Variants in ZNF790 observed in about 807,000 individuals in gnomAD.
ZNF790 encodes the protein zinc finger protein 790.
A neutral mutation model predicts 12.1 loss-of-function variants in ZNF790; 8 were observed. The observed-to-expected ratio is 0.66, with a 90% CI of 0.39 to 1.19. The LOEUF (loss-of-function observed/expected upper bound fraction) is 1.19, where lower values mean the gene tolerates loss of function less well. Among genes scored for constraint, ZNF790 ranks in the 50% most tolerant of loss-of-function variants. ZNF790 has a pLI of 0.01. For missense variants in ZNF790, 707 were observed against 752.2 expected (o/e 0.94, Z 0.70); for synonymous variants, 252 against 244.3 (o/e 1.03, Z -0.29).
chr19:36,823,809 C>A lies in ZNF790; in HGVS notation c.10-19G>T. The A allele has an allele frequency of 6.3e-7, 1 of 1,586,346 alleles. No homozygotes were observed. Among genetic ancestry groups the A allele is most frequent in the Non-Finnish European group, 8.5e-7 (1 of 1,171,240 alleles). ...TCATCAACTGTTGGAAAGAATAATT[C>A]CAAGTATTAATGGTGAAATTTTTAA... is the stretch of plus-strand genomic sequence containing the variant. On this transcript the variant is annotated intron_variant, in intron 2 of 4. Transcript: ENST00000356725.
chr19:36,835,662 G>A (rs1460639121), intron 1 of ZNF790, among the ~76,000 whole-genome samples: 2 of 152,122 alleles, frequency 1.3e-5, no homozygotes, highest in African/African-American at 4.8e-5. Flanking sequence ...AGAAGTCTGA[G>A]TTGGGTCTTA....
At chr19:36,823,241 A>G (rs767508748) in intron 4 of ZNF790, 44 bp downstream of exon 4, 3 of 1,539,138 alleles carry the variant, frequency 1.9e-6, no homozygotes, top group Non-Finnish European at 2.7e-6. Context: ...CTGAGCTGTT[A>G]TCCACAACAA....
At chr19:36,824,720 C>G (rs1417453735) in intron 2 of ZNF790, among the ~76,000 whole-genome samples, 2 of 152,128 alleles carry the variant, frequency 1.3e-5, no homozygotes, top group Non-Finnish European at 2.9e-5. Flanking sequence ...AGAGGCTACA[C>G]CAGCCTGGAA....
intron 2 of ZNF790, among the ~76,000 whole-genome samples, chr19:36,824,139 G>GGCGCCCGCTACC (rs567181153): frequency 0.015 from 2,278 of 151,440 alleles, 64 homozygotes; most frequent in African/African-American, 0.052. Context: ...TGGGACTACA[G>GGCGCCCGCTACC]GCGCCCGCTA....
intron 1 of ZNF790, among the ~76,000 whole-genome samples, 164 bp from the exon 2 acceptor site, chr19:36,825,856 G>A (rs146813597): frequency 1.6e-4 from 24 of 152,164 alleles, no homozygotes; most frequent in Admixed American, 6.5e-4. Flanking sequence ...AGTTTCAGTC[G>A]AATCACTTAT....
Position 36,820,100 on chromosome 19 carries a change from A to G in ZNF790, c.244T>C (p.Cys82Arg), listed in dbSNP as rs779738281. Residue 82 changes from cysteine (C) to arginine (R), a missense_variant, in exon 5 of 5, where the codon TGT becomes CGT. Cys to Arg is a radical substitution (Grantham distance 180). Transcript: ENST00000356725. ...TTTGGTAATAACTTCTTGGTCTGAC[A>G]CCTCGACTGCATGTCTGAAAAATAA... ...RGPCPDMQSR[C>R]QTKKLLPKNG... is the part of the protein sequence containing the mutation. 6 of 1,602,194 alleles carry G rather than the reference A, an allele frequency of 3.7e-6. No individual in the cohort carries two copies. The highest frequency in any genetic ancestry group is 4.2e-6 in the Non-Finnish European group (5 of 1,178,234).
At chr19:36,832,597 T>C (rs1394685725) in intron 1 of ZNF790, among the ~76,000 whole-genome samples, 2 of 152,134 alleles carry the variant, frequency 1.3e-5, no homozygotes, top group African/African-American at 4.8e-5. Context: ...GTCCCTGTTA[T>C]GCCTTCAAAT....
chr19:36,845,110 T>C (rs1457356602), intron 1 of ZNF790, among the ~76,000 whole-genome samples: 2 of 128,928 alleles, frequency 1.6e-5, no homozygotes, highest in Non-Finnish European at 3.3e-5. Flanking sequence ...AAGAACAAGA[T>C]CTCAGATGAA....
At position 36,820,093 on chromosome 19, in the gene ZNF790, G is replaced by A. The variant is rs1279589857; in HGVS notation, c.251C>T (p.Thr84Ile). The change falls in exon 5 of 5, where the codon ACC becomes ATC. Residue 84 changes from threonine to isoleucine, a missense_variant. Transcript: ENST00000356725. ...GCCATTTTTTGGTAATAACTTCTTGGTCTGACACCTCGACTGCATGTCTGA... is the reference window on the plus strand; with the variant it reads ...GCCATTTTTTGGTAATAACTTCTTGATCTGACACCTCGACTGCATGTCTGA... The part of the protein sequence containing the change: ...PCPDMQSRCQ[T>I]KKLLPKNGIF... The A allele has an allele frequency of 1.2e-6, 2 of 1,604,664 alleles. No individual in the cohort carries two copies. The highest frequency in any genetic ancestry group is 1.7e-6 in the Non-Finnish European group (2 of 1,179,150).
At chr19:36,845,848 G>A (rs1277170550) in intron 1 of ZNF790, among the ~76,000 whole-genome samples, 2 of 150,320 alleles carry the variant, frequency 1.3e-5, no homozygotes, top group South Asian at 2.1e-4. Flanking sequence ...CACTCTTGTT[G>A]CCCAGGCTGG....
In ZNF790 at chr19:36,818,634, G is replaced by T. The variant is rs1342968531; in HGVS notation, c.1710C>A (p.Ile570=). ...CAGTAAAATATGAATGGTGACTAAA[G>T]ATGTGGCTACTTTTCTTGCATCCAT... ...EPYGCKKSSH[I]FSHHSYFTEQ... is the part of the protein sequence containing the mutation. The change falls in exon 5 of 5, where the codon ATC becomes ATA. Residue 570 remains isoleucine (I), a synonymous_variant. Transcript: ENST00000356725. 3 of 1,611,708 alleles carry T rather than the reference G, an allele frequency of 1.9e-6. No individual in the cohort carries two copies. The Admixed American group carries it at 5.1e-5, about 27-fold the overall frequency.
Position 36,823,422 on chromosome 19 carries a change from G to A in ZNF790, c.134-42C>T, listed in dbSNP as rs200202255. ...AAACAGCAAAGAACCACATTGTAAA[G>A]ATTCTAAAATTTGCAACTACTTCTT... On this transcript the variant is annotated intron_variant, in intron 3 of 4. Transcript: ENST00000356725. 1.1e-5 allele frequency: 18 copies of A among 1,579,810 alleles called. No homozygotes were observed. In the East Asian group the frequency reaches 3.4e-4, roughly 30 times the overall value.
chr19:36,830,932 G>A (rs1818076064), intron 1 of ZNF790, among the ~76,000 whole-genome samples: 1 of 152,206 alleles, frequency 6.6e-6, no homozygotes, highest in Non-Finnish European at 1.5e-5. Context: ...GAGGTCAGGA[G>A]ATCGAGACCA....
intron 4 of ZNF790, among the ~76,000 whole-genome samples, chr19:36,820,921 G>C (rs531902300): frequency 8.5e-6 from 1 of 117,872 alleles, no homozygotes; most frequent in South Asian, 3.0e-4. Context: ...TTAATACTTT[G>C]AGTTTTAGGG....
In ZNF790 at chr19:36,819,286, AG is replaced by A; in HGVS notation, c.1057del (p.Leu353Ter). ...AGTATGAATTCTCTGATGCTGAGTTAGGTGTGATCCACGAGTAAAAGCTTTC... is the reference window on the plus strand; with the variant it reads ...AGTATGAATTCTCTGATGCTGAGTTAGTGTGATCCACGAGTAAAAGCTTTC... ...CGKAFTRGSH[L>X]TQHQRIHTGE... On this transcript the variant is annotated frameshift_variant, in exon 5 of 5. Transcript: ENST00000356725. LOFTEE classifies it low-confidence loss of function (END_TRUNC). The A allele has an allele frequency of 6.2e-7, 1 of 1,611,942 alleles. No homozygotes were observed. Among genetic ancestry groups the A allele is most frequent in the Non-Finnish European group, 8.5e-7 (1 of 1,178,744 alleles).
rs552794225 is a variant in ZNF790, at chr19:36,830,360, A to T, written c.-73-4668T>A. ...TCACATTAACTGACTTTTGATGGTGAGCCAACCTTGCATTTCTGGGATAAA... is the reference window on the plus strand; with the variant it reads ...TCACATTAACTGACTTTTGATGGTGTGCCAACCTTGCATTTCTGGGATAAA... On this transcript the variant is annotated intron_variant, in intron 1 of 4. Coordinates refer to ENST00000356725, the MANE Select transcript of ZNF790 (RefSeq NM_206894.4). 3.3e-5 allele frequency among the ~76,000 whole-genome samples: 5 copies of T among 152,242 alleles called. No individual in the cohort carries two copies. The East Asian group carries it at 9.6e-4, about 29-fold the overall frequency.
At chr19:36,840,338 T>C (rs1355920518), upstream of ZNF790, among the ~76,000 whole-genome samples, 2 of 151,970 alleles carry the variant, frequency 1.3e-5, no homozygotes, top group Admixed American at 1.3e-4. Context: ...AGAAAATCAG[T>C]AAAGAAAAAA....
rs1478650539 is a variant in ZNF790 at position 36,818,869 on chromosome 19, T to C, written c.1475A>G (p.Glu492Gly). ...ATGAATTTTCTGGTGTCGATTAAGT[T>C]CTGAACCACGAAAAAAGGTCTTTCC... ...ECGKTFFRGS[E>G]LNRHQKIHTG... The change falls in exon 5 of 5, where the codon GAA becomes GGA. Residue 492 changes from glutamate (E) to glycine (G), a missense_variant. Physicochemically the swap from Glu to Gly is moderately conservative, Grantham distance 98. Coordinates refer to ENST00000356725, the MANE Select transcript of ZNF790 (RefSeq NM_206894.4). The C allele has an allele frequency of 7.4e-6, 12 of 1,613,688 alleles. No individual in the cohort carries two copies. The highest frequency in any genetic ancestry group is 1.0e-5 in the Non-Finnish European group (12 of 1,179,924).
Position 36,819,917 on chromosome 19 carries a change from GT to G in ZNF790, c.426del (p.Arg143AlafsTer27). 1 of 1,614,064 alleles carries G rather than the reference GT, an allele frequency of 6.2e-7. No homozygotes were observed. Among genetic ancestry groups the G allele is most frequent in the Non-Finnish European group, 8.5e-7 (1 of 1,179,984 alleles). ...AAAGTGGGCCTTTTTTCACAGGTGC[GT>G]ATCACCTGCTTGAAGCATTCCTCTT... Reference protein sequence around the residue: ...DNQEECFKQVIRTCEKRPTFN... With the variant: ...DNQEECFKQVXRTCEKRPTFN... On this transcript the variant is annotated frameshift_variant, in exon 5 of 5. Transcript: ENST00000356725. LOFTEE classifies it low-confidence loss of function (END_TRUNC).
Sources: allele counts gnomAD v4.1 joint callset (sites outside exome capture counted in the v4.1 genomes callset), GRCh38; gene constraint gnomAD v4.1.1; transcripts MANE v1.5; gene names NCBI Gene and HGNC (gene_info 2026-07-23, HGNC 2026-07-21).